The following ASIC2 variants were observed in gnomAD, a reference collection of about 807,000 sequenced individuals.
The protein encoded by ASIC2 is acid-sensing ion channel 2.
In ASIC2, 25 loss-of-function variants were observed where a neutral mutation model predicts 57.3. The ratio of observed to expected loss-of-function variants is 0.44; its 90% CI spans 0.32 to 0.61. ASIC2 has a LOEUF of 0.61. ASIC2 is among the 20% of genes least tolerant of loss of function. ASIC2 has a pLI of 0.06. For missense variants in ASIC2, 641 were observed against 738.1 expected, an observed-to-expected ratio of 0.87 and a Z score of 1.52; for synonymous variants, 319 against 307.5, an observed-to-expected ratio of 1.04 and a Z score of -0.39.
chr17:33,100,691 A>G (rs2092208734), intron 2 of ASIC2, among the ~76,000 whole-genome samples: 1 of 152,216 alleles, frequency 6.6e-6, no homozygotes, highest in Non-Finnish European at 1.5e-5. Flanking sequence ...TCCCTAGATT[A>G]TAAACTTCGA....
chr17:34,033,568 A>T (rs1907721100), intron 1 of ASIC2, among the ~76,000 whole-genome samples: 1 of 152,208 alleles, frequency 6.6e-6, no homozygotes, highest in Non-Finnish European at 1.5e-5. Flanking sequence ...AAATTAATGA[A>T]TCCGGGAGTT....
chr17:33,192,868 A>G (rs992623935), intron 1 of ASIC2, among the ~76,000 whole-genome samples: 3 of 152,086 alleles, frequency 2.0e-5, no homozygotes, highest in African/African-American at 7.2e-5. Flanking sequence ...AAAAATACAC[A>G]TTTTTTTCCG....
chr17:33,656,921 A>G (rs191330464), intron 1 of ASIC2, among the ~76,000 whole-genome samples: 1 of 152,174 alleles, frequency 6.6e-6, no homozygotes, highest in Non-Finnish European at 1.5e-5. Context: ...AATTGTTCAG[A>G]TATGGGTAAG....
intron 1 of ASIC2, among the ~76,000 whole-genome samples, chr17:34,103,560 T>C (rs564746298): frequency 6.6e-6 from 1 of 152,334 alleles, no homozygotes; most frequent in African/African-American, 2.4e-5. Flanking sequence ...CATATTTCCC[T>C]GTTTTTTTCA....
chr17:33,864,441 C>G (rs550449379), intron 1 of ASIC2, among the ~76,000 whole-genome samples: 1 of 152,254 alleles, frequency 6.6e-6, no homozygotes, highest in South Asian at 2.1e-4. Flanking sequence ...AACAGGGGCC[C>G]CGATAGGGCA....
chr17:33,870,168 C>T (rs192254981), intron 1 of ASIC2, among the ~76,000 whole-genome samples: 24 of 147,956 alleles, frequency 1.6e-4, no homozygotes, highest in East Asian at 6.1e-4. Context: ...AAAATTCAGC[C>T]GAGAGAGGAA....
intron 1 of ASIC2, among the ~76,000 whole-genome samples, chr17:33,866,554 T>C (rs1198269733): frequency 6.6e-6 from 1 of 152,026 alleles, no homozygotes; most frequent in African/African-American, 2.4e-5. Context: ...AGTCAAAGAG[T>C]ATATGTATTT....
chr17:33,717,504 G>A (rs1308761410), intron 1 of ASIC2, among the ~76,000 whole-genome samples: 1 of 152,180 alleles, frequency 6.6e-6, no homozygotes, highest in Non-Finnish European at 1.5e-5. Flanking sequence ...TAAAGTGGGA[G>A]CGATGGGAGG....
intron 1 of ASIC2, among the ~76,000 whole-genome samples, chr17:33,999,808 G>T (rs1403197844): frequency 1.3e-5 from 2 of 151,968 alleles, no homozygotes; most frequent in African/African-American, 2.4e-5. Flanking sequence ...CACCATTACA[G>T]TATTAAAACA....
intron 1 of ASIC2, among the ~76,000 whole-genome samples, chr17:33,585,864 G>A (rs773483811): frequency 2.6e-5 from 4 of 152,126 alleles, no homozygotes; most frequent in Non-Finnish European, 5.9e-5. Flanking sequence ...CTTGAAAGCT[G>A]CTTCAAATCC....
chr17:34,039,025 ATCTTC>A, intron 1 of ASIC2: 1 of 1,614,166 alleles, frequency 6.2e-7, no homozygotes, highest in Non-Finnish European at 8.5e-7. Context: ...TCTACACGCC[ATCTTC>A]TCTTGTTTTG....
chr17:33,266,456 G>T (rs1909462222), intron 1 of ASIC2, among the ~76,000 whole-genome samples: 1 of 152,182 alleles, frequency 6.6e-6, no homozygotes, highest in African/African-American at 2.4e-5. Context: ...GGGTCAAAAA[G>T]AATGTCTGCC....
rs1018629399 is a variant in ASIC2 at position 34,104,799 on chromosome 17, T to G, written c.555+51179A>C. On this transcript the variant is annotated intron_variant, in intron 1 of 9. Coordinates refer to the ASIC2 transcript ENST00000359872. Reference sequence around the variant, plus strand: ...TTTAAATGTTGAACCAAACTTGTATTCCTGAGATAAAATTTAATTGGTTAT... The same window carrying G: ...TTTAAATGTTGAACCAAACTTGTATGCCTGAGATAAAATTTAATTGGTTAT... 6.7e-5 allele frequency among the ~76,000 whole-genome samples: 10 copies of G among 149,692 alleles called. No individual in the cohort carries two copies. The East Asian group carries it at 1.5e-3, about 23-fold the overall frequency.
At chr17:33,991,155 A>G (rs1424981896) in intron 1 of ASIC2, among the ~76,000 whole-genome samples, 2 of 152,344 alleles carry the variant, frequency 1.3e-5, no homozygotes, top group African/African-American at 4.8e-5. Flanking sequence ...TGGTGTTGAC[A>G]TGTGAGAAGA....
intron 2 of ASIC2, among the ~76,000 whole-genome samples, chr17:33,111,252 C>A (rs1342547744): frequency 6.6e-6 from 1 of 152,258 alleles, no homozygotes; most frequent in Non-Finnish European, 1.5e-5. Flanking sequence ...GATTGTGTCT[C>A]TTCCTCTGGG....
Position 33,251,409 on chromosome 17 carries a change from A to G in ASIC2, c.708+39999T>C, listed in dbSNP as rs187796248. 4.2e-3 allele frequency among the ~76,000 whole-genome samples: 633 copies of G among 152,320 alleles called. 2 individuals carry two copies. The highest frequency in any genetic ancestry group is 6.4e-3 in the South Asian group (31 of 4,830). On this transcript the variant is annotated intron_variant, in intron 1 of 9. Coordinates refer to ENST00000225823, the MANE Select transcript of ASIC2 (RefSeq NM_183377.2). Reference sequence around the variant, plus strand: ...CAGTGGCACAATCATAGCTCACTGCAACCTCGAACCCCTAGGCTCAAGTTA... The same window carrying G: ...CAGTGGCACAATCATAGCTCACTGCGACCTCGAACCCCTAGGCTCAAGTTA...
At chr17:34,099,162 G>GAGAAAGAAAGAA (rs759417669) in intron 1 of ASIC2, among the ~76,000 whole-genome samples, 8 of 41,912 alleles carry the variant, frequency 1.9e-4, no homozygotes, top group African/African-American at 7.3e-5. Context: ...GAGAGAGAGA[G>GAGAAAGAAAGAA]AGAAAGAAAG....
At chr17:33,281,854 C>T (rs1904963807) in intron 1 of ASIC2, among the ~76,000 whole-genome samples, 1 of 152,166 alleles carries the variant, frequency 6.6e-6, no homozygotes, top group African/African-American at 2.4e-5. Context: ...GGCCACCCAG[C>T]CAACATAATA....
At chr17:33,337,124 G>A (rs1419274570) in intron 1 of ASIC2, among the ~76,000 whole-genome samples, 1 of 152,138 alleles carries the variant, frequency 6.6e-6, no homozygotes, top group East Asian at 1.9e-4. Flanking sequence ...TGGCCCCAGG[G>A]TGCCTGCTTG....
Sources: gnomAD v4.1 joint callset for allele counts (sites outside exome capture counted in the v4.1 genomes callset) on GRCh38, gnomAD v4.1.1 for gene constraint, MANE v1.5 for transcripts, NCBI Gene and HGNC (gene_info 2026-07-23, HGNC 2026-07-21) for gene names.